SLC45A4: variants seen among roughly 807,000 people sequenced by gnomAD.
SLC45A4 encodes the protein solute carrier family 45 member 4.
In SLC45A4, 32 loss-of-function variants were observed where a neutral mutation model predicts 63.7. The ratio of observed to expected loss-of-function variants is 0.50; its 90% CI spans 0.38 to 0.67. The LOEUF (loss-of-function observed/expected upper bound fraction) is 0.67, where lower values mean the gene tolerates loss of function less well. SLC45A4 is among the 30% of genes least tolerant of loss of function. The pLI is 0.00. For synonymous variants in SLC45A4, 535 were observed against 510.0 expected (o/e 1.05, Z -0.66); for missense variants, 1,027 against 1,157.7 (o/e 0.89, Z 1.64).
At position 141,219,778 on chromosome 8, in the gene SLC45A4, G is replaced by A. The variant is rs768644390; in HGVS notation, c.482C>T (p.Thr161Met). The A allele has an allele frequency of 1.3e-5, 21 of 1,598,794 alleles. No individual in the cohort carries two copies. Among genetic ancestry groups the A allele is most frequent in the East Asian group, 2.3e-5 (1 of 43,740 alleles). Residue 161 changes from threonine to methionine, a missense_variant, in exon 4 of 9, where the codon ACG becomes ATG. Transcript: ENST00000517878. ...PNRQPIGIVL[T>M]VLGVVVLDFS... ...GTCCAGGACCACCACTCCCAGCACC[G>A]TGAGCACGATGCCAATGGGCTGCCG...
chr8:141,218,232 G>A lies in SLC45A4; in HGVS notation c.1408C>T (p.His470Tyr). Reference sequence around the variant, plus strand: ...GTGGTGGCCCCGCTCTGGTTCCGGTGCCGGTGCTGCCGCTGCCGCTTCTGC... The same window carrying A: ...GTGGTGGCCCCGCTCTGGTTCCGGTACCGGTGCTGCCGCTGCCGCTTCTGC... ...DMQKRQRQHR[H>Y]RNQSGATTSS... is the part of the protein sequence containing the mutation. Residue 470 changes from histidine (H) to tyrosine (Y), a missense_variant, in exon 5 of 9, where the codon CAC becomes TAC. Coordinates refer to ENST00000517878, the MANE Select transcript of SLC45A4 (RefSeq NM_001286646.2). 1 of 1,601,796 alleles carries A rather than the reference G, an allele frequency of 6.2e-7. No individual in the cohort carries two copies. Among genetic ancestry groups the A allele is most frequent in the East Asian group, 2.2e-5 (1 of 44,854 alleles).
intron 1 of SLC45A4, among the ~76,000 whole-genome samples, chr8:141,271,152 A>T (rs999167313): frequency 2.6e-5 from 4 of 152,220 alleles, no homozygotes; most frequent in Non-Finnish European, 5.9e-5. Context: ...AACCCCACAC[A>T]TTATGGCTAG....
intron 1 of SLC45A4, among the ~76,000 whole-genome samples, chr8:141,290,142 T>C (rs1302493517): frequency 3.7e-4 from 57 of 152,146 alleles, no homozygotes; most frequent in Admixed American, 3.7e-3. Context: ...CGTATGTATG[T>C]ATATATTATA....
intron 1 of SLC45A4, among the ~76,000 whole-genome samples, chr8:141,277,261 G>A (rs1563667969): frequency 6.6e-6 from 1 of 152,226 alleles, no homozygotes; most frequent in Non-Finnish European, 1.5e-5. Flanking sequence ...ACAGGTCCGG[G>A]TCCGGCGAGG....
At chr8:141,257,458 T>C (rs1339681557) in intron 1 of SLC45A4, among the ~76,000 whole-genome samples, 1 of 152,240 alleles carries the variant, frequency 6.6e-6, no homozygotes, top group African/African-American at 2.4e-5. Flanking sequence ...CAATTAGTTT[T>C]CTAAGAAATC....
chr8:141,281,902 GC>G (rs1460139649), intron 1 of SLC45A4, among the ~76,000 whole-genome samples: 2 of 152,284 alleles, frequency 1.3e-5, no homozygotes, highest in East Asian at 3.9e-4. Flanking sequence ...TGAAAGCCTG[GC>G]CCCCGTCCGG....
chr8:141,280,026 AGGCATGG>A (rs1396401774), intron 1 of SLC45A4, among the ~76,000 whole-genome samples: 1 of 152,250 alleles, frequency 6.6e-6, no homozygotes, highest in Non-Finnish European at 1.5e-5. Context: ...CAGGGCAGCG[AGGCATGG>A]GCCCAGGCAC....
chr8:141,227,215 C>T lies in SLC45A4; in HGVS notation c.242-5450G>A, dbSNP rs542491904. ...CAGGAAATACTGTGTCACCGCTCGG[C>T]CGCAGGCTGTGTGAGGTCACGGGCG... On this transcript the variant is annotated intron_variant, in intron 2 of 8. Coordinates refer to ENST00000517878, the MANE Select transcript of SLC45A4 (RefSeq NM_001286646.2). The surrounding 1 kb of genome is among the most constrained non-coding windows in gnomAD (Gnocchi z 4.4). 1.8e-4 allele frequency among the ~76,000 whole-genome samples: 27 copies of T among 152,338 alleles called. No individual in the cohort carries two copies. Among genetic ancestry groups the T allele is most frequent in the African/African-American group, 5.8e-4 (24 of 41,578 alleles).
intron 1 of SLC45A4, among the ~76,000 whole-genome samples, chr8:141,301,050 C>A (rs1830728342): frequency 6.6e-6 from 1 of 152,168 alleles, no homozygotes; most frequent in African/African-American, 2.4e-5. Flanking sequence ...CAAACGCCTG[C>A]CTAAAACTGG....
chr8:141,238,101 A>G (rs1827719511), intron 2 of SLC45A4, among the ~76,000 whole-genome samples: 1 of 152,168 alleles, frequency 6.6e-6, no homozygotes, highest in Non-Finnish European at 1.5e-5. Context: ...TTAGCTGGCC[A>G]CGGGCCACCT....
At chr8:141,300,703 C>A (rs1830713329) in intron 1 of SLC45A4, among the ~76,000 whole-genome samples, 1 of 152,272 alleles carries the variant, frequency 6.6e-6, no homozygotes, top group Non-Finnish European at 1.5e-5. Context: ...CCATGTCAGT[C>A]TTCTCTGCTT....
intron 1 of SLC45A4, among the ~76,000 whole-genome samples, chr8:141,274,081 T>C (rs1203913951): frequency 1.3e-5 from 2 of 151,416 alleles, no homozygotes; most frequent in African/African-American, 2.4e-5. Context: ...TACAAAAAAA[T>C]AGCTGGGCGT....
intron 1 of SLC45A4, among the ~76,000 whole-genome samples, chr8:141,270,114 G>A (rs1829456441): frequency 6.6e-6 from 1 of 152,090 alleles, no homozygotes; most frequent in Admixed American, 6.5e-5. Context: ...AGGGCACAGC[G>A]CAGTTGGACT....
At chr8:141,242,844 G>A (rs1366133294) in intron 2 of SLC45A4, among the ~76,000 whole-genome samples, 5 of 152,172 alleles carry the variant, frequency 3.3e-5, no homozygotes, top group African/African-American at 1.2e-4. Flanking sequence ...AACACCGCGG[G>A]AAGCTGAATG....
chr8:141,246,844 G>A (rs1828229867), intron 2 of SLC45A4, among the ~76,000 whole-genome samples: 2 of 152,206 alleles, frequency 1.3e-5, no homozygotes, highest in Non-Finnish European at 2.9e-5. Flanking sequence ...GCCAGTTGTG[G>A]TGGTGCACAC....
chr8:141,214,705 A>G (rs997376182), intron 7 of SLC45A4, among the ~76,000 whole-genome samples: 1 of 152,216 alleles, frequency 6.6e-6, no homozygotes, highest in Non-Finnish European at 1.5e-5. Flanking sequence ...CTAGTGAGAG[A>G]CAGTTGACAT....
rs772461458 is a variant in SLC45A4 at position 141,219,651 on chromosome 8, G to C, written c.609C>G (p.Ala203=). The change falls in exon 4 of 9, where the codon GCC becomes GCG. Residue 203 remains alanine (A), a splice_region_variant and synonymous_variant. Transcript: ENST00000517878. ...CCAGCCTTGGTGCGGCAGCGTTACCGGCAGAGAAGGCGTGGATGTTGAGGG... is the reference window on the plus strand; with the variant it reads ...CCAGCCTTGGTGCGGCAGCGTTACCCGCAGAGAAGGCGTGGATGTTGAGGG... ...DMALNIHAFS[A]GLGGAIGYVL... 6.2e-7 allele frequency: 1 copy of C among 1,604,960 alleles called. No homozygotes were observed. The highest frequency in any genetic ancestry group is 1.3e-5 in the African/African-American group (1 of 74,964).
At chr8:141,274,111 C>T (rs1410914972) in intron 1 of SLC45A4, among the ~76,000 whole-genome samples, 1 of 152,156 alleles carries the variant, frequency 6.6e-6, no homozygotes, top group Non-Finnish European at 1.5e-5. Context: ...CGCCGATAGT[C>T]CCAGCTACTC....
chr8:141,217,785 C>T (rs1826255142), intron 5 of SLC45A4, among the ~76,000 whole-genome samples: 1 of 152,250 alleles, frequency 6.6e-6, no homozygotes, highest in African/African-American at 2.4e-5. Context: ...CACCGCGGGC[C>T]TCACTGCAAC....
Sources: gnomAD v4.1 joint callset for allele counts (sites outside exome capture counted in the v4.1 genomes callset) on GRCh38, gnomAD v4.1.1 for gene constraint, Gnocchi (gnomAD v3.1) non-coding constraint, MANE v1.5 for transcripts, NCBI Gene and HGNC (gene_info 2026-07-23, HGNC 2026-07-21) for gene names.